DIP2B: variants seen among roughly 807,000 people sequenced by gnomAD.
DIP2B encodes disco-interacting protein 2 homolog B.
In DIP2B, 76 loss-of-function variants were observed where a neutral mutation model predicts 198.0. The ratio of observed to expected loss-of-function variants is 0.38; its 90% confidence interval spans 0.32 to 0.46. The LOEUF is 0.46. Ranked by LOEUF, DIP2B falls within the 20% of genes least tolerant of loss-of-function variation. The pLI, the probability that DIP2B is intolerant of heterozygous loss-of-function variation, is 0.99. For synonymous variants in DIP2B, 701 were observed against 739.1 expected (o/e 0.95, Z 0.84); for missense variants, 1,559 against 1,978.4 (o/e 0.79, Z 4.02).
chr12:50,734,259 C>G, intron 33 of DIP2B, 63 bp downstream of exon 33: 1 of 1,529,566 alleles, frequency 6.5e-7, no homozygotes, highest in Non-Finnish European at 9.0e-7. Context: ...TTCGGAACCT[C>G]AAAGCCAGCA....
intron 1 of DIP2B, among the ~76,000 whole-genome samples, chr12:50,518,067 T>C (rs1238949426): frequency 1.3e-5 from 2 of 152,186 alleles, no homozygotes; most frequent in Non-Finnish European, 2.9e-5. Context: ...ATGAGGGAAC[T>C]GAGGTAGCAA....
chr12:50,552,762 T>C (rs1249838366), intron 1 of DIP2B, among the ~76,000 whole-genome samples: 1 of 152,154 alleles, frequency 6.6e-6, no homozygotes, highest in Non-Finnish European at 1.5e-5. Context: ...TTCTTCCATG[T>C]TTTCTTCTAG....
intron 3 of DIP2B, among the ~76,000 whole-genome samples, chr12:50,643,932 T>A (rs909840201): frequency 1.3e-5 from 2 of 152,204 alleles, no homozygotes; most frequent in African/African-American, 4.8e-5. Flanking sequence ...TAGGGTATAT[T>A]TAATAAAAGT....
chr12:50,531,125 A>G (rs1291534480), intron 1 of DIP2B, among the ~76,000 whole-genome samples: 1 of 152,120 alleles, frequency 6.6e-6, no homozygotes, highest in East Asian at 1.9e-4. Context: ...AGCTCACTAC[A>G]AGTTCTGACT....
At chr12:50,669,283 G>C (rs1938808800) in intron 4 of DIP2B, among the ~76,000 whole-genome samples, 1 of 152,182 alleles carries the variant, frequency 6.6e-6, no homozygotes, top group Non-Finnish European at 1.5e-5. Flanking sequence ...ACTTGACATA[G>C]TTCCTGGCAC....
chr12:50,604,347 T>C (rs1279999587), intron 1 of DIP2B, among the ~76,000 whole-genome samples: 4 of 152,214 alleles, frequency 2.6e-5, no homozygotes, highest in Admixed American at 2.0e-4. Context: ...GTCAAGTGAC[T>C]GTGTATATAT....
At chr12:50,608,983 A>C (rs914864765) in intron 1 of DIP2B, among the ~76,000 whole-genome samples, 3 of 152,106 alleles carry the variant, frequency 2.0e-5, no homozygotes, top group Non-Finnish European at 4.4e-5. Context: ...CTCTACTAAA[A>C]ATACAAAAAT....
At chr12:50,686,090 C>T (rs1209633876) in intron 11 of DIP2B, 134 bp downstream of exon 11, 5 of 954,466 alleles carry the variant, frequency 5.2e-6, no homozygotes, top group Middle Eastern at 3.6e-4. Flanking sequence ...AAGTAGGTAC[C>T]ATTATTATCC....
chr12:50,576,394 T>C (rs924603327), intron 1 of DIP2B, among the ~76,000 whole-genome samples: 4 of 151,652 alleles, frequency 2.6e-5, no homozygotes, highest in African/African-American at 9.7e-5. Flanking sequence ...TTTAAATGCT[T>C]GTTTAAAACA....
intron 1 of DIP2B, among the ~76,000 whole-genome samples, chr12:50,541,288 T>C (rs570359136): frequency 6.6e-6 from 1 of 152,110 alleles, no homozygotes; most frequent in Non-Finnish European, 1.5e-5. Context: ...TTTTTAAGCT[T>C]CTTTTATTTA....
intron 36 of DIP2B, 145 bp from the exon 37 acceptor site, chr12:50,741,271 A>C (rs1010569426): frequency 1.2e-6 from 1 of 869,342 alleles, no homozygotes; most frequent in African/African-American, 1.7e-5. Flanking sequence ...CAGGATTCAG[A>C]GCCTTAAGGA....
At chr12:50,689,378 GA>G (rs201996864) in intron 12 of DIP2B, among the ~76,000 whole-genome samples, 6 of 150,358 alleles carry the variant, frequency 4.0e-5, no homozygotes, top group Non-Finnish European at 1.5e-5. Context: ...GTCTCAAAAA[GA>G]AAAAAAAAGG....
rs113735857 is a variant in DIP2B at position 50,697,722 on chromosome 12, G to A, written c.2048+547G>A. On this transcript the variant is annotated intron_variant, in intron 17 of 37. Transcript: ENST00000301180. ...TTTTTAAATTTTTTTGTAGAGATAG[G>A]TTCTTGTTATGTTGCCCAGGCTGGT... Among the ~76,000 whole-genome samples the A allele has an allele frequency of 1.5e-4, 22 of 151,542 alleles. 1 individual carries two copies. Among genetic ancestry groups the A allele is most frequent in the African/African-American group, 4.6e-4 (19 of 41,304 alleles).
chr12:50,600,272 A>G (rs1958923650), intron 1 of DIP2B, among the ~76,000 whole-genome samples: 1 of 152,188 alleles, frequency 6.6e-6, no homozygotes, highest in Non-Finnish European at 1.5e-5. Context: ...CCTGGCCCCT[A>G]CCAGCTAGTG....
At chr12:50,617,670 G>A (rs1046293066) in intron 1 of DIP2B, among the ~76,000 whole-genome samples, 4 of 152,108 alleles carry the variant, frequency 2.6e-5, no homozygotes, top group African/African-American at 4.8e-5. Context: ...TTACCCGGCA[G>A]TGGTGGCATT....
At chr12:50,637,562 T>A (rs1187973701) in intron 2 of DIP2B, among the ~76,000 whole-genome samples, 2 of 152,244 alleles carry the variant, frequency 1.3e-5, no homozygotes, top group Non-Finnish European at 2.9e-5. Context: ...TTATGTGGGC[T>A]GGGAGACCCT....
At chr12:50,554,880 G>C (rs1301801341) in intron 1 of DIP2B, among the ~76,000 whole-genome samples, 3 of 150,760 alleles carry the variant, frequency 2.0e-5, no homozygotes, top group African/African-American at 7.3e-5. Flanking sequence ...TGATTCCCCT[G>C]CCTCAGGCTC....
At chr12:50,539,368 G>A (rs762380994) in intron 1 of DIP2B, among the ~76,000 whole-genome samples, 18 of 151,770 alleles carry the variant, frequency 1.2e-4, no homozygotes, top group Non-Finnish European at 1.6e-4. Context: ...TGTAATACCA[G>A]CACTTTTGAG....
At chr12:50,545,492 C>T (rs2139380094) in intron 1 of DIP2B, among the ~76,000 whole-genome samples, 1 of 151,412 alleles carries the variant, frequency 6.6e-6, no homozygotes, top group Non-Finnish European at 1.5e-5. Flanking sequence ...CATCTCACCC[C>T]AGCCTCCCGA....
Sources: allele counts gnomAD v4.1 joint callset (sites outside exome capture counted in the v4.1 genomes callset), GRCh38; gene constraint gnomAD v4.1.1; transcripts MANE v1.5; gene names NCBI Gene and HGNC (gene_info 2026-07-23, HGNC 2026-07-21).